Variants in ZPBP observed in about 807,000 individuals in gnomAD.
ZPBP encodes zona pellucida binding protein, also known as zona pellucida-binding protein 1.
ZPBP carries 26 observed loss-of-function variants against 44.8 expected under a neutral mutation model. The observed-to-expected ratio is 0.58, with a 90% CI of 0.43 to 0.81. The LOEUF (loss-of-function observed/expected upper bound fraction) is 0.81, where lower values mean the gene tolerates loss of function less well. ZPBP is among the 30% of genes least tolerant of loss of function. The pLI is 0.00. For missense variants in ZPBP, 409 were observed against 434.0 expected (o/e 0.94, Z 0.51); for synonymous variants, 174 against 153.2 (o/e 1.14, Z -1.00).
chr7:50,010,908 C>CAAAAAAAAAAAAAAA (rs71554292), intron 6 of ZPBP, among the ~76,000 whole-genome samples: 5 of 92,434 alleles, frequency 5.4e-5, no homozygotes, highest in East Asian at 3.5e-4. Context: ...CAAGACCAAG[C>CAAAAAAAAAAAAAAA]AAAAAAAAAA....
chr7:49,895,584 T>C (rs1792345503), intron 2 of ZPBP, among the ~76,000 whole-genome samples: 1 of 152,176 alleles, frequency 6.6e-6, no homozygotes. Flanking sequence ...AATTTCAAAA[T>C]TAATCATTTT....
chr7:50,012,023 C>A (rs1798607872), intron 6 of ZPBP, among the ~76,000 whole-genome samples: 2 of 148,904 alleles, frequency 1.3e-5, no homozygotes, highest in African/African-American at 5.0e-5. Context: ...AGAGTGAGAC[C>A]CCGTCTCAAA....
At chr7:49,857,009 C>CAAAAAAAAAAAAA (rs59910243) in intron 2 of ZPBP, among the ~76,000 whole-genome samples, 30 of 52,786 alleles carry the variant, frequency 5.7e-4, no homozygotes, top group Non-Finnish European at 8.5e-4. Flanking sequence ...GATACTGTCT[C>CAAAAAAAAAAAAA]AAAAAAAAAA....
rs1794985978 is a variant in ZPBP, at chr7:49,943,753, TG to T, written c.962-6132del. The stretch of plus-strand genomic sequence containing the variant: ...CAATGTGACGGGAACGGGTACCCAT[TG>T]GATCTCTAGCCAGCAACCAGAACTA... On this transcript the variant is annotated intron_variant, in intron 7 of 7. Coordinates refer to ENST00000046087, the MANE Select transcript of ZPBP (RefSeq NM_007009.3). The T allele has an allele frequency of 1.2e-5, 3 of 243,122 alleles. No individual in the cohort carries two copies. In the South Asian group the frequency reaches 1.6e-4, roughly 13 times the overall value. The allele number at this position is 243,122 out of a possible 1,614,324, so 15.1% of individuals were successfully genotyped here.
intron 4 of ZPBP, among the ~76,000 whole-genome samples, chr7:50,031,849 T>C (rs1320478950): frequency 6.6e-6 from 1 of 152,020 alleles, no homozygotes; most frequent in Non-Finnish European, 1.5e-5. Context: ...CACACATATA[T>C]ATATATATTT....
At chr7:49,997,673 A>T (rs1397626962) in intron 6 of ZPBP, among the ~76,000 whole-genome samples, 1 of 152,128 alleles carries the variant, frequency 6.6e-6, no homozygotes, top group Non-Finnish European at 1.5e-5. Context: ...ATCACCTCAG[A>T]GGGAAGTGGA....
At chr7:50,036,997 T>C (rs573455008) in intron 4 of ZPBP, among the ~76,000 whole-genome samples, 1 of 152,140 alleles carries the variant, frequency 6.6e-6, no homozygotes, top group Non-Finnish European at 1.5e-5. Flanking sequence ...TAAAATTTAA[T>C]ATATAAAGAA....
chr7:49,902,419 A>G (rs1186575197), intron 1 of ZPBP, among the ~76,000 whole-genome samples: 5 of 152,034 alleles, frequency 3.3e-5, no homozygotes, highest in Non-Finnish European at 5.9e-5. Context: ...CAGAACACAG[A>G]AACAGACCCA....
chr7:49,998,475 T>C (rs909016022), intron 6 of ZPBP, among the ~76,000 whole-genome samples: 16 of 152,196 alleles, frequency 1.1e-4, no homozygotes, highest in African/African-American at 2.7e-4. Flanking sequence ...AGAAATATCA[T>C]TGAATTCCAT....
chr7:50,027,437 C>T (rs1288257412), intron 5 of ZPBP, among the ~76,000 whole-genome samples: 1 of 151,958 alleles, frequency 6.6e-6, no homozygotes, highest in Non-Finnish European at 1.5e-5. Flanking sequence ...AATGAAAATA[C>T]AACCTACCAA....
At chr7:49,893,320 T>C (rs963448803) in intron 2 of ZPBP, among the ~76,000 whole-genome samples, 1 of 152,214 alleles carries the variant, frequency 6.6e-6, no homozygotes, top group East Asian at 1.9e-4. Context: ...GAAGGGCTCC[T>C]ATTCCTGCAT....
the ZPBP span, among the ~76,000 whole-genome samples, chr7:49,841,944 G>A: frequency 4.0e-5 from 6 of 151,828 alleles, no homozygotes; most frequent in Non-Finnish European, 8.8e-5. Context: ...TCAGCTCACT[G>A]CATCCTCCAC....
intron 3 of ZPBP, among the ~76,000 whole-genome samples, chr7:50,074,496 G>C (rs1054961023): frequency 6.6e-6 from 1 of 151,734 alleles, no homozygotes; most frequent in African/African-American, 2.4e-5. Flanking sequence ...GAAAAAACAA[G>C]ACCCTCTGAT....
chr7:50,035,133 C>G (rs1009795788), intron 4 of ZPBP, among the ~76,000 whole-genome samples: 5 of 152,236 alleles, frequency 3.3e-5, no homozygotes, highest in African/African-American at 1.2e-4. Flanking sequence ...AAGACTGGAA[C>G]TGCTCTCTCC....
chr7:49,978,879 AATT>A (rs927969644), intron 7 of ZPBP, among the ~76,000 whole-genome samples: 1 of 152,018 alleles, frequency 6.6e-6, no homozygotes, highest in Non-Finnish European at 1.5e-5. Context: ...AATAAACAAA[AATT>A]ATTATTATCC....
At position 49,914,709 on chromosome 7, in the gene ZPBP, T is replaced by C. The variant is rs146384882; in HGVS notation, n.412-13494A>G. On this transcript the variant is annotated intron_variant and non_coding_transcript_variant, in intron 1 of 2. Coordinates refer to the ZPBP transcript ENST00000465922. ...TGACATTCTATTTTCCTCCCCTCTG[T>C]TGTCAGAGAACTCTTTGCTGAGATT... 481 of 152,334 alleles carry C rather than the reference T, an allele frequency of 3.2e-3. 6 individuals carry two copies. The highest frequency in any genetic ancestry group is 0.011 in the African/African-American group (448 of 41,582). The allele number at this position is 152,334 out of a possible 1,614,324, so 9.4% of individuals were successfully genotyped here.
At chr7:49,888,440 G>C (rs899976462) in intron 2 of ZPBP, among the ~76,000 whole-genome samples, 28 of 152,134 alleles carry the variant, frequency 1.8e-4, no homozygotes, top group African/African-American at 6.8e-4. Flanking sequence ...TATTCTATTA[G>C]TAATATTGAT....
chr7:50,003,882 C>G (rs527567703), intron 6 of ZPBP, among the ~76,000 whole-genome samples: 1 of 152,284 alleles, frequency 6.6e-6, no homozygotes, highest in Non-Finnish European at 1.5e-5. Context: ...CTAAAAAACA[C>G]ACATCTCTTA....
chr7:49,998,816 C>T (rs776064366), intron 6 of ZPBP, among the ~76,000 whole-genome samples: 74 of 152,034 alleles, frequency 4.9e-4, no homozygotes, highest in African/African-American at 1.4e-3. Context: ...CCTCTAGAAC[C>T]GCTCTTGTTA....
Sources: allele counts gnomAD v4.1 joint callset (sites outside exome capture counted in the v4.1 genomes callset), GRCh38; gene constraint gnomAD v4.1.1; transcripts MANE v1.5; gene names NCBI Gene and HGNC (gene_info 2026-07-23, HGNC 2026-07-21).